The following AFDN variants were observed in gnomAD, a reference collection of about 807,000 sequenced individuals.
AFDN encodes afadin, adherens junction formation factor.
A neutral mutation model predicts 216.6 loss-of-function variants in AFDN; 68 were observed. The ratio of observed to expected loss-of-function variants is 0.31; its 90% CI spans 0.26 to 0.38. AFDN has a LOEUF of 0.38. Ranked by LOEUF, AFDN falls within the 10% of genes least tolerant of loss-of-function variation. The pLI is 1.00. For synonymous variants in AFDN, 868 were observed against 853.7 expected (o/e 1.02, Z -0.29); for missense variants, 2,136 against 2,342.0 (o/e 0.91, Z 1.82).
At position 167,962,661 on chromosome 6, in the gene AFDN, T is replaced by C; in HGVS notation, c.4968+94T>C. Reference sequence around the variant, plus strand: ...GAGCGGGCTGGAAGTTCTGTGTTTCTTAAGAAGCACGAGGCAGAGCAGGGC... The same window carrying C: ...GAGCGGGCTGGAAGTTCTGTGTTTCCTAAGAAGCACGAGGCAGAGCAGGGC... On this transcript the variant is annotated intron_variant, in intron 31 of 33. Transcript: ENST00000683244. This position sits in a 1 kb window ranked among gnomAD's most constrained non-coding sequence, Gnocchi z 5.2. The C allele has an allele frequency of 1.9e-6, 3 of 1,591,976 alleles. No homozygotes were observed. Among genetic ancestry groups the C allele is most frequent in the Non-Finnish European group, 2.6e-6 (3 of 1,166,224 alleles).
chr6:167,880,566 G>A (rs1445729058), intron 6 of AFDN, 49 bp downstream of exon 6: 1 of 1,556,138 alleles, frequency 6.4e-7, no homozygotes, highest in Non-Finnish European at 8.8e-7. Context: ...ACATTTAAAT[G>A]GTAGATTTTC....
intron 9 of AFDN, among the ~76,000 whole-genome samples, chr6:167,894,732 G>T (rs540102497): frequency 3.3e-5 from 5 of 152,280 alleles, no homozygotes; most frequent in Admixed American, 3.3e-4. Flanking sequence ...GAGGAGAAGG[G>T]AGAGACTGAG....
chr6:167,899,989 A>T (rs1287086411), intron 11 of AFDN, among the ~76,000 whole-genome samples: 1 of 152,156 alleles, frequency 6.6e-6, no homozygotes, highest in African/African-American at 2.4e-5. Flanking sequence ...TATTTTTGCC[A>T]TGTGGATCCT....
intron 1 of AFDN, among the ~76,000 whole-genome samples, chr6:167,852,219 ATG>A (rs1782398992): frequency 6.6e-6 from 1 of 152,174 alleles, no homozygotes; most frequent in African/African-American, 2.4e-5. Context: ...TCTCTCAAGA[ATG>A]TGGTTTTGCA....
intron 5 of AFDN, among the ~76,000 whole-genome samples, chr6:167,876,329 A>G (rs1438937131): frequency 1.3e-5 from 2 of 152,248 alleles, no homozygotes; most frequent in Non-Finnish European, 2.9e-5. Flanking sequence ...TCTTGGTTCC[A>G]TAAATATTCT....
intron 23 of AFDN, among the ~76,000 whole-genome samples, chr6:167,925,765 A>G (rs1394922847): frequency 1.3e-5 from 2 of 152,118 alleles, no homozygotes; most frequent in Admixed American, 6.5e-5. Flanking sequence ...GGTGTTACTC[A>G]CTCATGAGCC....
At chr6:167,908,790 G>A (rs3800525) in intron 13 of AFDN, among the ~76,000 whole-genome samples, 11,662 of 152,072 alleles carry the variant, frequency 0.077, 560 homozygotes, top group Admixed American at 0.15. Context: ...AAACTATGTT[G>A]TTTTGTTGCT....
intron 4 of AFDN, 111 bp from the exon 5 acceptor site, chr6:167,875,224 C>A: frequency 2.2e-6 from 2 of 920,662 alleles, no homozygotes; most frequent in Non-Finnish European, 3.3e-6. Context: ...CTCTTAGGTA[C>A]AGATGTAGCC....
At chr6:167,885,772 C>G (rs1304693865) in intron 6 of AFDN, among the ~76,000 whole-genome samples, 3 of 152,262 alleles carry the variant, frequency 2.0e-5, no homozygotes, top group African/African-American at 7.2e-5. Flanking sequence ...CTTCAACTTA[C>G]ATTTGTTTTT....
rs1018368096 is a variant in AFDN, at chr6:167,870,778, A to AT, written c.414+290dup. Among the ~76,000 whole-genome samples, 369 of 150,442 alleles carry AT rather than the reference A, an allele frequency of 2.5e-3. 4 individuals carry two copies. Among genetic ancestry groups the AT allele is most frequent in the African/African-American group, 7.7e-3 (315 of 41,086 alleles). ...AATGATCAGGTGATCAGCTGCAGTTATTTTTTTTTTCCAAAATATAAAATC... is the reference window on the plus strand; with the variant it reads ...AATGATCAGGTGATCAGCTGCAGTTATTTTTTTTTTTCCAAAATATAAAATC... On this transcript the variant is annotated intron_variant, in intron 3 of 33. Coordinates refer to ENST00000683244, the MANE Select transcript of AFDN (RefSeq NM_001386888.1).
At chr6:167,906,893 A>G (rs1041462730) in intron 12 of AFDN, among the ~76,000 whole-genome samples, 3 of 152,110 alleles carry the variant, frequency 2.0e-5, no homozygotes, top group Admixed American at 2.0e-4. Flanking sequence ...AAAAATCATC[A>G]TGTGTGTGTT....
chr6:167,850,255 C>A (rs969188875), intron 1 of AFDN, among the ~76,000 whole-genome samples: 9 of 152,196 alleles, frequency 5.9e-5, no homozygotes, highest in Non-Finnish European at 1.2e-4. Context: ...TCCCAACCCC[C>A]CTCTCGCTCA....
chr6:167,924,500 G>T (rs1792247321), intron 22 of AFDN, among the ~76,000 whole-genome samples: 3 of 152,176 alleles, frequency 2.0e-5, no homozygotes, highest in African/African-American at 7.2e-5. Context: ...CGGCCCTGGT[G>T]CTGTGATTTA....
At chr6:167,892,243 C>T (rs1787704199) in intron 8 of AFDN, among the ~76,000 whole-genome samples, 1 of 152,082 alleles carries the variant, frequency 6.6e-6, no homozygotes, top group African/African-American at 2.4e-5. Context: ...TGTTGCTAAC[C>T]TCAGTTCTCT....
chr6:167,965,888 G>T lies in AFDN; in HGVS notation c.5100G>T (p.Glu1700Asp). The T allele has an allele frequency of 6.5e-7, 1 of 1,548,852 alleles. No individual in the cohort carries two copies. Residue 1700 changes from glutamate to aspartate, a missense_variant, in exon 32 of 34, where the codon GAG becomes GAT. Around this residue, in one of 8 missense-constraint regions of AFDN, gnomAD observed 981 missense variants for 966.0 expected, o/e 1.02. Transcript: ENST00000683244. ...GCCCTCCGCTTCCCCGGGACTACGA[G>T]CCCCCGTCCCCGTCCCCCGCGCCCG... Reference protein sequence around the residue: ...LCRPPLPRDYEPPSPSPAPGA... With the variant: ...LCRPPLPRDYDPPSPSPAPGA...
At chr6:167,845,010 C>T (rs555529543) in intron 1 of AFDN, among the ~76,000 whole-genome samples, 19 of 152,050 alleles carry the variant, frequency 1.2e-4, no homozygotes, top group African/African-American at 4.1e-4. Flanking sequence ...CAGGCATGTG[C>T]CACCATGCCC....
intron 2 of AFDN, among the ~76,000 whole-genome samples, chr6:167,868,154 A>G (rs543130619): frequency 2.6e-5 from 4 of 152,264 alleles, no homozygotes; most frequent in South Asian, 2.1e-4. Context: ...GTACTGCCTC[A>G]TCTAGTGTTT....
In AFDN at chr6:167,893,912, G is replaced by C. The variant is rs927031367; in HGVS notation, c.1222+6G>C. On this transcript the variant is annotated splice_donor_region_variant and intron_variant, in intron 9 of 33. Transcript: ENST00000683244. ...CAACTATCACACTTACGAAGGTAATGCTATGCTTACTACTACTTTTATAAC... is the reference window on the plus strand; with the variant it reads ...CAACTATCACACTTACGAAGGTAATCCTATGCTTACTACTACTTTTATAAC... 4 of 1,574,918 alleles carry C rather than the reference G, an allele frequency of 2.5e-6. No individual in the cohort carries two copies. Among genetic ancestry groups the C allele is most frequent in the African/African-American group, 1.3e-5 (1 of 74,336 alleles).
rs761564661 is a variant in AFDN at position 167,893,886 on chromosome 6, A to G, written c.1202A>G (p.Tyr401Cys). The change falls in exon 9 of 34, where the codon TAC becomes TGC. Residue 401 changes from tyrosine to cysteine, a missense_variant. Physicochemically the swap from Tyr to Cys is radical, Grantham distance 194. Coordinates refer to ENST00000683244, the MANE Select transcript of AFDN (RefSeq NM_001386888.1). ...SPGRRNHFAY[Y>C]NYHTYEDGSD... ...GGGAGAAGGAATCACTTTGCCTACT[A>G]CAACTATCACACTTACGAAGGTAAT... The G allele has an allele frequency of 2.5e-6, 4 of 1,588,768 alleles. No homozygotes were observed. Among genetic ancestry groups the G allele is most frequent in the South Asian group, 2.3e-5 (2 of 86,914 alleles).
Sources: gnomAD v4.1 joint callset for allele counts (sites outside exome capture counted in the v4.1 genomes callset) on GRCh38, gnomAD v4.1.1 for gene constraint, gnomAD v4.1.1 regional missense constraint, Gnocchi (gnomAD v3.1) non-coding constraint, MANE v1.5 for transcripts, NCBI Gene and HGNC (gene_info 2026-07-23, HGNC 2026-07-21) for gene names.